CANX: variants seen among roughly 807,000 people sequenced by gnomAD.
The protein encoded by CANX is calnexin, also known as epididymis secretory sperm binding protein.
A neutral mutation model predicts 75.7 loss-of-function variants in CANX; 14 were observed. The ratio of observed to expected loss-of-function variants is 0.19; its 90% CI spans 0.12 to 0.29. The LOEUF (loss-of-function observed/expected upper bound fraction) is 0.29. Among genes scored for constraint, CANX ranks in the 10% least tolerant of loss-of-function variants. The pLI is 1.00. For missense variants in CANX, 567 were observed against 713.2 expected (o/e 0.79, Z 2.34); for synonymous variants, 227 against 236.9 (o/e 0.96, Z 0.38).
chr5:179,723,604 G>A (rs1778453329), intron 11 of CANX, 56 bp from the exon 12 acceptor site: 5 of 1,596,644 alleles, frequency 3.1e-6, no homozygotes, highest in African/African-American at 2.7e-5. Flanking sequence ...AAACAGCACG[G>A]CCTATGTTTG....
intron 1 of CANX, chr5:179,679,234 C>G: frequency 6.5e-7 from 1 of 1,531,764 alleles, no homozygotes; most frequent in Non-Finnish European, 8.7e-7. Flanking sequence ...GCCCGGATGT[C>G]CAGAATGATG....
chr5:179,707,418 A>C (rs1777208717), intron 4 of CANX, among the ~76,000 whole-genome samples: 1 of 152,062 alleles, frequency 6.6e-6, no homozygotes, highest in Non-Finnish European at 1.5e-5. Context: ...CCCCGTCTCT[A>C]CTGAAAATAC....
intron 9 of CANX, 47 bp downstream of exon 9, chr5:179,719,828 G>GTT (rs573862439): frequency 6.4e-4 from 531 of 832,368 alleles, no homozygotes; most frequent in South Asian, 1.1e-3. Context: ...TTTTTTGTTT[G>GTT]TTTTTTTTTT....
At chr5:179,701,768 C>T (rs866319673) in intron 1 of CANX, among the ~76,000 whole-genome samples, 2 of 12,172 alleles carry the variant, frequency 1.6e-4, no homozygotes, top group South Asian at 5.3e-3. Flanking sequence ...TTTTTTGAGA[C>T]GGAGTCTCCC....
In CANX at chr5:179,719,611, A is replaced by G. The variant is rs1778177331; in HGVS notation, c.912-57A>G. The G allele has an allele frequency of 5.5e-6, 5 of 915,816 alleles. No individual in the cohort carries two copies. In the Admixed American group the frequency reaches 1.1e-4, roughly 21 times the overall value. The allele number at this position is 915,816 out of a possible 1,614,324, so 56.7% of individuals were successfully genotyped here. On this transcript the variant is annotated intron_variant, in intron 8 of 14. Transcript: ENST00000247461. ...TAGAATACTCTGTTCTGATCCACAA[A>G]GTGGTACTATACTGTGACCAGTGTT...
In CANX at chr5:179,722,865, G is replaced by T. The variant is rs149513016; in HGVS notation, c.1244G>T (p.Arg415Ile). 67 of 1,613,966 alleles carry T rather than the reference G, an allele frequency of 4.2e-5. No individual in the cohort carries two copies. In the East Asian group the frequency reaches 1.4e-3, roughly 35 times the overall value. The change falls in exon 11 of 15, where the codon AGA becomes ATA. Residue 415 changes from arginine to isoleucine, a missense_variant. Arg to Ile is a moderately conservative substitution (Grantham distance 97, BLOSUM62 -3). Around this residue, in one of 3 missense-constraint regions of CANX, gnomAD observed 49 missense variants for 100.1 expected, o/e 0.49. Transcript: ENST00000247461. ...PDFFEDLEPF[R>I]MTPFSAIGLE... ...TTCTTTGAAGATCTGGAACCTTTCA[G>T]AATGACTCCTTTTAGTGCTATTGGT...
intron 3 of CANX, among the ~76,000 whole-genome samples, chr5:179,706,853 C>G (rs925869031): frequency 2.0e-5 from 3 of 152,192 alleles, no homozygotes; most frequent in African/African-American, 4.8e-5. Context: ...TTCCCTCCCC[C>G]ACTCTACCCT....
At chr5:179,702,032 C>T (rs549000933) in intron 1 of CANX, among the ~76,000 whole-genome samples, 4 of 151,740 alleles carry the variant, frequency 2.6e-5, no homozygotes, top group East Asian at 3.9e-4. Flanking sequence ...TGAGCCACCG[C>T]GCTCAGCCTT....
chr5:179,729,009 T>A lies in CANX; in HGVS notation c.*365T>A. On this transcript the variant is annotated 3_prime_UTR_variant, in exon 15 of 15. Coordinates refer to ENST00000247461, the MANE Select transcript of CANX (RefSeq NM_001746.4). Reference sequence around the variant, plus strand: ...ATGTATTAATCTGTTTGTGCAAACATAATACCACCATTTAAAAATGTTAGG... The same window carrying A: ...ATGTATTAATCTGTTTGTGCAAACAAAATACCACCATTTAAAAATGTTAGG... 3.6e-6 allele frequency: 1 copy of A among 275,524 alleles called. No individual in the cohort carries two copies. The highest frequency in any genetic ancestry group is 7.1e-6 in the Non-Finnish European group (1 of 140,522). 17.1% of individuals were successfully genotyped at this position (275,524 alleles called of 1,614,324 possible).
Position 179,719,760 on chromosome 5 carries a change from A to G in CANX, c.1004A>G (p.Asp335Gly), listed in dbSNP as rs779436099. The G allele has an allele frequency of 8.1e-6, 13 of 1,603,522 alleles. No homozygotes were observed. Among genetic ancestry groups the G allele is most frequent in the African/African-American group, 4.0e-5 (3 of 74,614 alleles). ...DDEPEYVPDP[D>G]AEKPEDWDED... is the part of the protein sequence containing the mutation. ...GAGCCTGAGTACGTACCTGATCCAGACGCAGAGAAACCTGAGGATTGGTAA... is the reference window on the plus strand; with the variant it reads ...GAGCCTGAGTACGTACCTGATCCAGGCGCAGAGAAACCTGAGGATTGGTAA... Residue 335 changes from aspartate (D) to glycine (G), a missense_variant, in exon 9 of 15, where the codon GAC (aspartate) becomes GGC (glycine). Physicochemically the swap from Asp to Gly is moderately conservative, Grantham distance 94. This residue lies in a region of CANX where 351 missense variants were observed against 433.8 expected (regional missense o/e 0.81). Coordinates refer to ENST00000247461, the MANE Select transcript of CANX (RefSeq NM_001746.4).
chr5:179,688,402 C>T (rs1199961902), intron 1 of CANX, among the ~76,000 whole-genome samples: 4 of 108,796 alleles, frequency 3.7e-5, no homozygotes, highest in Admixed American at 1.1e-4. Context: ...CTCACTCTGT[C>T]GCCCAGGCTG....
At chr5:179,694,026 C>A (rs1776345780), upstream of CANX, among the ~76,000 whole-genome samples, 1 of 151,574 alleles carries the variant, frequency 6.6e-6, no homozygotes, top group African/African-American at 2.4e-5. Context: ...TGCCTGTAAT[C>A]CCAGCTACTC....
Position 179,730,893 on chromosome 5 carries a change from A to G in CANX, c.*2249A>G, listed in dbSNP as rs1778951222. 1 of 152,188 alleles carries G rather than the reference A, an allele frequency of 6.6e-6. No homozygotes were observed. Among genetic ancestry groups the G allele is most frequent in the Non-Finnish European group, 1.5e-5 (1 of 68,036 alleles). The allele number at this position is 152,188 out of a possible 1,614,324, so 9.4% of individuals were successfully genotyped here. A position where few individuals can be genotyped will look rare whatever the true frequency, so the allele number is the denominator to read the frequency against. The stretch of plus-strand genomic sequence containing the variant: ...ACTTTTCAATTTGTCATGTTACTAA[A>G]TGGTGTTACATTAAAGCCCTGTGTT... On this transcript the variant is annotated 3_prime_UTR_variant, in exon 15 of 15. Coordinates refer to ENST00000247461, the MANE Select transcript of CANX (RefSeq NM_001746.4).
intron 8 of CANX, among the ~76,000 whole-genome samples, chr5:179,717,207 G>T (rs1229973507): frequency 6.6e-6 from 1 of 152,082 alleles, no homozygotes; most frequent in African/African-American, 2.4e-5. Context: ...CTCCTTGAAA[G>T]GTAAGATACA....
chr5:179,684,611 A>T (rs1202785557), intron 1 of CANX, among the ~76,000 whole-genome samples: 1 of 151,976 alleles, frequency 6.6e-6, no homozygotes. Context: ...AAGTGCTGAG[A>T]TTACAGGCTT....
intron 6 of CANX, 39 bp downstream of exon 6, chr5:179,709,098 A>G: frequency 1.7e-6 from 2 of 1,176,454 alleles, no homozygotes; most frequent in Non-Finnish European, 2.6e-6. Flanking sequence ...CTGGACACCC[A>G]CTATTACCTT....
intron 7 of CANX, among the ~76,000 whole-genome samples, chr5:179,711,614 C>G (rs1207011431): frequency 6.6e-6 from 1 of 151,106 alleles, no homozygotes; most frequent in Non-Finnish European, 1.5e-5. Context: ...CATGGTGAAG[C>G]CCCATCTCTA....
intron 1 of CANX, among the ~76,000 whole-genome samples, chr5:179,683,314 T>C (rs958954174): frequency 2.0e-5 from 3 of 151,450 alleles, no homozygotes; most frequent in Non-Finnish European, 4.4e-5. Context: ...TTTTTTTTTT[T>C]AGTAGAGATG....
intron 1 of CANX, among the ~76,000 whole-genome samples, chr5:179,685,202 G>A (rs1050934975): frequency 2.6e-5 from 4 of 151,910 alleles, no homozygotes; most frequent in East Asian, 1.9e-4. Context: ...GGGTTCAAGC[G>A]ATTCTTCTGC....
Sources: allele counts gnomAD v4.1 joint callset (sites outside exome capture counted in the v4.1 genomes callset), GRCh38; gene constraint gnomAD v4.1.1; regional missense constraint gnomAD v4.1.1; transcripts MANE v1.5; gene names NCBI Gene and HGNC (gene_info 2026-07-23, HGNC 2026-07-21).